The following TAFA2 variants were observed in gnomAD, a reference collection of about 807,000 sequenced individuals.
TAFA2 encodes the protein chemokine-like protein TAFA-2.
TAFA2 carries 7 observed loss-of-function variants against 18.8 expected under a neutral mutation model. That is an observed-to-expected ratio of 0.37 (90% CI 0.21 to 0.70). The LOEUF is 0.70. TAFA2 is among the 30% of genes least tolerant of loss of function. The probability of loss-of-function intolerance (pLI) is 0.53; values close to 1 mark genes in which losing one functional copy is unlikely to be tolerated. For missense variants in TAFA2, 122 were observed against 158.1 expected, an observed-to-expected ratio of 0.77 and a Z score of 1.23; for synonymous variants, 60 against 54.2, an observed-to-expected ratio of 1.11 and a Z score of -0.47.
chr12:61,847,228 TAA>T (rs1460459212), intron 2 of TAFA2, among the ~76,000 whole-genome samples: 1 of 152,228 alleles, frequency 6.6e-6, no homozygotes, highest in Non-Finnish European at 1.5e-5. Flanking sequence ...TGCGAATAGA[TAA>T]GAGTTTATTA....
Position 61,895,820 on chromosome 12 carries a change from C to T in TAFA2, c.-1-28394G>A, listed in dbSNP as rs11174223. ...GAACGAGTGAATGAAAAAATGAAGG[C>T]ATCCATGCCTAGGTACCCTAGTAAG... On this transcript the variant is annotated intron_variant, in intron 1 of 4. Coordinates refer to ENST00000416284, the MANE Select transcript of TAFA2 (RefSeq NM_178539.5). Among the ~76,000 whole-genome samples, 47 of 152,004 alleles carry T rather than the reference C, an allele frequency of 3.1e-4. No homozygotes were observed. The East Asian group carries it at 8.5e-3, about 27-fold the overall frequency.
At chr12:62,184,741 C>A (rs903666559) in intron 1 of TAFA2, among the ~76,000 whole-genome samples, 2 of 151,806 alleles carry the variant, frequency 1.3e-5, no homozygotes, top group African/African-American at 2.4e-5. Flanking sequence ...CTCAAGTGAT[C>A]CTCTTGCCTC....
chr12:62,202,374 T>C (rs1308655961), intron 1 of TAFA2, among the ~76,000 whole-genome samples: 3 of 151,708 alleles, frequency 2.0e-5, no homozygotes, highest in Non-Finnish European at 4.4e-5. Context: ...TGAGACAGAG[T>C]CTCGCTCTGT....
At chr12:62,100,267 T>C (rs1177410367) in intron 1 of TAFA2, among the ~76,000 whole-genome samples, 1 of 152,112 alleles carries the variant, frequency 6.6e-6, no homozygotes, top group Non-Finnish European at 1.5e-5. Flanking sequence ...ATTAAAATTC[T>C]GGAAGAACTG....
At chr12:61,970,113 C>T (rs181456481) in intron 1 of TAFA2, among the ~76,000 whole-genome samples, 1 of 151,548 alleles carries the variant, frequency 6.6e-6, no homozygotes, top group Non-Finnish European at 1.5e-5. Flanking sequence ...AAATTCATGT[C>T]TTCATTCTTT....
chr12:62,251,095 GCCATAACTAAAA>G (rs1366616348), intron 1 of TAFA2, among the ~76,000 whole-genome samples: 3 of 152,194 alleles, frequency 2.0e-5, no homozygotes, highest in African/African-American at 7.2e-5. Flanking sequence ...GTACAGTGCT[GCCATAACTAAAA>G]CCCAAAATAT....
At chr12:62,004,968 G>A (rs904070778) in intron 1 of TAFA2, among the ~76,000 whole-genome samples, 7 of 152,048 alleles carry the variant, frequency 4.6e-5, no homozygotes, top group Non-Finnish European at 1.0e-4. Context: ...TTTGTGGAAT[G>A]TTTTTAAAGT....
At chr12:61,835,049 C>T (rs1872862750) in intron 2 of TAFA2, among the ~76,000 whole-genome samples, 1 of 151,846 alleles carries the variant, frequency 6.6e-6, no homozygotes. Context: ...CTGCTTTCTG[C>T]TCTTCTAACT....
At chr12:62,050,160 ACTACTGAT>A (rs1882013160) in intron 1 of TAFA2, among the ~76,000 whole-genome samples, 1 of 152,154 alleles carries the variant, frequency 6.6e-6, no homozygotes, top group Non-Finnish European at 1.5e-5. Context: ...TATTGTTACT[ACTACTGAT>A]GGGCAAAGTA....
intron 1 of TAFA2, among the ~76,000 whole-genome samples, chr12:62,027,301 G>C (rs1487890183): frequency 1.3e-5 from 2 of 152,056 alleles, no homozygotes; most frequent in Admixed American, 6.6e-5. Flanking sequence ...AAAAAGGAAA[G>C]GAACTAAGAA....
chr12:62,249,272 TAAAAAAA>T (rs35144994), intron 1 of TAFA2, among the ~76,000 whole-genome samples: 18 of 137,720 alleles, frequency 1.3e-4, no homozygotes, highest in Non-Finnish European at 2.0e-4. Flanking sequence ...TTTTTTTTCC[TAAAAAAA>T]AAAAAAAAAA....
intron 1 of TAFA2, among the ~76,000 whole-genome samples, chr12:61,972,666 T>C (rs1327461815): frequency 6.6e-6 from 1 of 151,672 alleles, no homozygotes; most frequent in Non-Finnish European, 1.5e-5. Context: ...ACAAGTACCA[T>C]GACTTTTTTA....
intron 1 of TAFA2, among the ~76,000 whole-genome samples, chr12:62,074,695 T>A (rs1474312570): frequency 1.5e-5 from 2 of 131,792 alleles, no homozygotes. Flanking sequence ...TCTAACTACA[T>A]GAATTTTTTT....
chr12:61,986,898 C>T (rs776819447), intron 1 of TAFA2, among the ~76,000 whole-genome samples: 11 of 151,988 alleles, frequency 7.2e-5, no homozygotes, highest in Non-Finnish European at 1.3e-4. Flanking sequence ...ACAAGTAGAC[C>T]GTCTATGTCC....
chr12:61,940,335 A>G (rs1376812532), intron 1 of TAFA2, among the ~76,000 whole-genome samples: 1 of 152,232 alleles, frequency 6.6e-6, no homozygotes, highest in African/African-American at 2.4e-5. Context: ...GGATGGTGGT[A>G]GATGGTGGTA....
At chr12:62,134,162 C>T (rs570216566) in intron 1 of TAFA2, among the ~76,000 whole-genome samples, 10 of 151,956 alleles carry the variant, frequency 6.6e-5, no homozygotes, top group Admixed American at 6.6e-4. Context: ...CTTCCTCCAC[C>T]AAGTCATCCC....
At chr12:62,081,732 G>C (rs146022387) in intron 1 of TAFA2, among the ~76,000 whole-genome samples, 1 of 152,090 alleles carries the variant, frequency 6.6e-6, no homozygotes, top group South Asian at 2.1e-4. Flanking sequence ...TGATCCGCCC[G>C]CCTCAGCCTC....
intron 1 of TAFA2, among the ~76,000 whole-genome samples, chr12:61,936,631 T>TA (rs1877780554): frequency 6.6e-6 from 1 of 151,958 alleles, no homozygotes; most frequent in Non-Finnish European, 1.5e-5. Flanking sequence ...CCCTTTATAA[T>TA]AAAAACCCTC....
chr12:62,069,560 A>C (rs1882574969), intron 1 of TAFA2, among the ~76,000 whole-genome samples: 1 of 152,212 alleles, frequency 6.6e-6, no homozygotes, highest in Admixed American at 6.5e-5. Flanking sequence ...ATGGACAAGA[A>C]ATGCCTTAAA....
Sources: allele counts gnomAD v4.1 joint callset (sites outside exome capture counted in the v4.1 genomes callset), GRCh38; gene constraint gnomAD v4.1.1; transcripts MANE v1.5; gene names NCBI Gene and HGNC (gene_info 2026-07-23, HGNC 2026-07-21).